Variants in COL6A1 observed in about 807,000 individuals in gnomAD.
The protein encoded by COL6A1 is collagen type VI alpha 1 chain.
A neutral mutation model predicts 145.6 loss-of-function variants in COL6A1; 80 were observed. That is an observed-to-expected ratio of 0.55 (90% confidence interval 0.46 to 0.66). The LOEUF (loss-of-function observed/expected upper bound fraction) is 0.66, where lower values mean the gene tolerates loss of function less well. Ranked by LOEUF, COL6A1 falls within the 30% of genes least tolerant of loss-of-function variation. The pLI, the probability that COL6A1 is intolerant of heterozygous loss-of-function variation, is 0.00. For synonymous variants in COL6A1, 638 were observed against 622.8 expected, an observed-to-expected ratio of 1.02 and a Z score of -0.36; for missense variants, 1,364 against 1,473.8, an observed-to-expected ratio of 0.93 and a Z score of 1.22.
chr21:45,990,128 G>C (rs888579956), intron 11 of COL6A1, 130 bp from the exon 12 acceptor site: 42 of 1,196,992 alleles, frequency 3.5e-5, no homozygotes, highest in African/African-American at 6.0e-5. Flanking sequence ...CAGTCCCCAT[G>C]ATTCTCAGCA....
rs9306146 is a variant in COL6A1 at position 45,992,830 on chromosome 21, G to C, written c.1335+20G>C. 1,191 of 1,582,488 alleles carry C rather than the reference G, an allele frequency of 7.5e-4. 9 individuals are homozygous for C. In the African/African-American group the frequency reaches 0.014, roughly 18 times the overall value. On this transcript the variant is annotated intron_variant, in intron 19 of 34. Transcript: ENST00000361866. ...GACCCTGTGAGTCACAGTTCCTGGAGCTGGGAACCACCCCAGGAAGGGGCA... is the reference window on the plus strand; with the variant it reads ...GACCCTGTGAGTCACAGTTCCTGGACCTGGGAACCACCCCAGGAAGGGGCA...
chr21:45,985,538 G>A (rs941622312), intron 3 of COL6A1, among the ~76,000 whole-genome samples: 13 of 152,228 alleles, frequency 8.5e-5, no homozygotes, highest in African/African-American at 2.4e-4. Flanking sequence ...CGAAGCATGC[G>A]CTTTCTCGGG....
In COL6A1 at chr21:45,994,040, T is replaced by G; in HGVS notation, c.1336-127T>G. The G allele has an allele frequency of 1.0e-6, 1 of 962,208 alleles. No individual in the cohort carries two copies. Among genetic ancestry groups the G allele is most frequent in the Non-Finnish European group, 1.6e-6 (1 of 611,982 alleles). The allele number at this position is 962,208 out of a possible 1,614,324, so 59.6% of individuals were successfully genotyped here. A position where few individuals can be genotyped will look rare whatever the true frequency, so the allele number is the denominator to read the frequency against. On this transcript the variant is annotated intron_variant, in intron 19 of 34. Transcript: ENST00000361866. The surrounding 1 kb of genome is among the most constrained non-coding windows in gnomAD (Gnocchi z 6.8). ...GCTTGGCGAGGCCAGGAAGGGGCTGTGCGGGGAGGGAAGGCCGGAACAGCC... is the reference window on the plus strand; with the variant it reads ...GCTTGGCGAGGCCAGGAAGGGGCTGGGCGGGGAGGGAAGGCCGGAACAGCC...
Position 45,990,253 on chromosome 21 carries a change from C to T in COL6A1, c.931-5C>T, listed in dbSNP as rs371841573. On this transcript the variant is annotated splice_region_variant and splice_polypyrimidine_tract_variant and intron_variant, in intron 11 of 34. Transcript: ENST00000361866. The stretch of plus-strand genomic sequence containing the variant: ...CCCCCTCACACCCGCTTCCTGTCTC[C>T]GCAGGGCTCCAGGGGACCCAAGGGC... 168 of 1,612,854 alleles carry T rather than the reference C, an allele frequency of 1.0e-4. No homozygotes were observed. Among genetic ancestry groups the T allele is most frequent in the East Asian group, 2.2e-4 (10 of 44,804 alleles).
rs148962954 is a variant in COL6A1, at chr21:46,002,049, G to A, written c.2045G>A (p.Arg682Gln). The A allele has an allele frequency of 3.6e-4, 577 of 1,611,764 alleles. 1 individual carries two copies. Among genetic ancestry groups the A allele is most frequent in the Non-Finnish European group, 4.5e-4 (535 of 1,179,686 alleles). The change falls in exon 31 of 35, where the codon CGG becomes CAG. Residue 682 changes from arginine (R) to glutamine (Q), a missense_variant. Arg to Gln is a conservative substitution (Grantham distance 43). Around this residue, in one of 3 missense-constraint regions of COL6A1, gnomAD observed 938 missense variants for 1,003.8 expected, o/e 0.93. Transcript: ENST00000361866. ...EHVSLRSPSI[R>Q]NVQELKEAIK... ...GTGAGCCTGCGCAGCCCCAGCATCC[G>A]GAACGTGCAGGAGCTCAAGGAGTGA... is the stretch of plus-strand genomic sequence containing the variant.
intron 34 of COL6A1, 52 bp from the exon 35 acceptor site, chr21:46,003,339 G>T: frequency 6.2e-7 from 1 of 1,600,422 alleles, no homozygotes; most frequent in South Asian, 1.1e-5. Context: ...CCGGCCCACT[G>T]CGGCTGCATC....
Position 45,990,243 on chromosome 21 carries a change from T to C in COL6A1, c.931-15T>C, listed in dbSNP as rs753243535. 6.2e-7 allele frequency: 1 copy of C among 1,602,980 alleles called. No individual in the cohort carries two copies. Among genetic ancestry groups the C allele is most frequent in the African/African-American group, 1.3e-5 (1 of 74,626 alleles). ...ACCCCAAATACCCCCTCACACCCGC[T>C]TCCTGTCTCCGCAGGGCTCCAGGGG... On this transcript the variant is annotated splice_polypyrimidine_tract_variant and intron_variant, in intron 11 of 34. Coordinates refer to ENST00000361866, the MANE Select transcript of COL6A1 (RefSeq NM_001848.3).
intron 28 of COL6A1, 25 bp downstream of exon 28, chr21:46,000,392 T>A: frequency 1.2e-6 from 2 of 1,613,700 alleles, no homozygotes; most frequent in Non-Finnish European, 1.7e-6. Context: ...GAAGCCGTCC[T>A]CGTTAGGGAG....
chr21:45,998,247 CTT>C, intron 23 of COL6A1, 76 bp downstream of exon 23: 1 of 1,585,078 alleles, frequency 6.3e-7, no homozygotes. Context: ...ACTGGGCACT[CTT>C]GGGTGGGCGG....
At chr21:45,985,716 C>A (rs1195553626) in intron 3 of COL6A1, among the ~76,000 whole-genome samples, 1 of 152,168 alleles carries the variant, frequency 6.6e-6, no homozygotes, top group Non-Finnish European at 1.5e-5. Flanking sequence ...TCCAGCCAGG[C>A]GGTGCGGGGG....
At chr21:45,995,560 T>C (rs1238705809) in intron 20 of COL6A1, among the ~76,000 whole-genome samples, 1 of 152,234 alleles carries the variant, frequency 6.6e-6, no homozygotes, top group Non-Finnish European at 1.5e-5. Context: ...CTGTTTTATA[T>C]GTTCAGTTTT....
At position 45,990,810 on chromosome 21, in the gene COL6A1, G is replaced by A; in HGVS notation, c.1040G>A (p.Gly347Asp). 6.2e-7 allele frequency: 1 copy of A among 1,613,440 alleles called. No individual in the cohort carries two copies. The highest frequency in any genetic ancestry group is 8.5e-7 in the Non-Finnish European group (1 of 1,179,990). The change falls in exon 14 of 35, where the codon GGC becomes GAC. Residue 347 changes from glycine to aspartate, a missense_variant. Gly to Asp is a moderately conservative substitution (Grantham distance 94). Transcript: ENST00000361866. ...MGYPGLPGCKGSPGFDGIQGP... is the reference protein window; with the variant it reads ...MGYPGLPGCKDSPGFDGIQGP... ...TACCCAGGCCTGCCAGGCTGCAAGG[G>A]CTCGCCCGGGTTTGACGTAAGTCAC...
chr21:45,988,923 G>A (rs1247004584), intron 8 of COL6A1, among the ~76,000 whole-genome samples, 161 bp from the exon 9 acceptor site: 2 of 152,186 alleles, frequency 1.3e-5, no homozygotes, highest in African/African-American at 4.8e-5. Context: ...CGTGCGGGTT[G>A]GAGCTCCCAG....
At chr21:46,001,024 A>G in intron 29 of COL6A1, 3 of 710,170 alleles carry the variant, frequency 4.2e-6, no homozygotes, top group South Asian at 3.6e-5. Flanking sequence ...ATTCTGGCCC[A>G]CAGGCCCCAC....
chr21:45,986,177 A>T (rs112372160), intron 3 of COL6A1, among the ~76,000 whole-genome samples: 1,749 of 152,230 alleles, frequency 0.011, 29 homozygotes, highest in African/African-American at 0.04. Context: ...GCTTGTGGGT[A>T]GACGCGGCGG....
Position 46,004,219 on chromosome 21 carries a change from C to CAG in COL6A1, c.*207_*208dup, listed in dbSNP as rs1228213154. 8.9e-6 allele frequency: 6 copies of CAG among 671,228 alleles called. No individual in the cohort carries two copies. Among genetic ancestry groups the CAG allele is most frequent in the Non-Finnish European group, 1.5e-5 (6 of 399,922 alleles). The allele number at this position is 671,228 out of a possible 1,614,324, so 41.6% of individuals were successfully genotyped here. On this transcript the variant is annotated 3_prime_UTR_variant, in exon 35 of 35. Transcript: ENST00000361866. ...CAGCCCTGAGTTGGCATCACCTGCG[C>CAG]AGGGCCCTCTGGGGCTCAGCCCTGA...
At position 46,004,177 on chromosome 21, in the gene COL6A1, C is replaced by A; in HGVS notation, c.*164C>A. 2.0e-6 allele frequency: 2 copies of A among 976,700 alleles called. No individual in the cohort carries two copies. The highest frequency in any genetic ancestry group is 3.0e-6 in the Non-Finnish European group (2 of 663,682). The allele number at this position is 976,700 out of a possible 1,614,324, so 60.5% of individuals were successfully genotyped here. A position where few individuals can be genotyped will look rare whatever the true frequency, so the allele number is the denominator to read the frequency against. ...ACACAACGCTGCTGCCTGCTTTGTG[C>A]AGGGTCCTCCGGGGCTCAGCCCTGA... On this transcript the variant is annotated 3_prime_UTR_variant, in exon 35 of 35. Coordinates refer to ENST00000361866, the MANE Select transcript of COL6A1 (RefSeq NM_001848.3).
At chr21:45,999,729 A>C in intron 27 of COL6A1, 37 bp downstream of exon 27, 2 of 1,582,536 alleles carry the variant, frequency 1.3e-6, no homozygotes, top group Non-Finnish European at 1.7e-6. Context: ...GGGGGCGACC[A>C]CTGTAGCTTC....
At chr21:45,999,815 G>A (rs1603593555) in intron 27 of COL6A1, 123 bp downstream of exon 27, 1 of 810,672 alleles carries the variant, frequency 1.2e-6, no homozygotes, top group Non-Finnish European at 1.9e-6. Flanking sequence ...TGTGGACAAA[G>A]AGCTGGTGCC....
Sources: allele counts gnomAD v4.1 joint callset (sites outside exome capture counted in the v4.1 genomes callset), GRCh38; gene constraint gnomAD v4.1.1; regional missense constraint gnomAD v4.1.1; non-coding constraint Gnocchi (gnomAD v3.1); transcripts MANE v1.5; gene names NCBI Gene and HGNC (gene_info 2026-07-23, HGNC 2026-07-21).